The following RBFOX1 variants were observed in gnomAD, a reference collection of about 807,000 sequenced individuals.
RBFOX1 encodes RNA binding fox-1 homolog 1, also known as RNA binding protein fox-1 homolog 1.
RBFOX1 carries 8 observed loss-of-function variants against 57.7 expected under a neutral mutation model. The ratio of observed to expected loss-of-function variants is 0.14; its 90% CI spans 0.08 to 0.25. The LOEUF is 0.25. Among genes scored for constraint, RBFOX1 ranks in the 10% least tolerant of loss-of-function variants. RBFOX1 has a pLI of 1.00. For missense variants in RBFOX1, 611 were observed against 548.5 expected (o/e 1.11, Z -1.14); for synonymous variants, 326 against 222.4 (o/e 1.47, Z -4.15).
intron 4 of RBFOX1, among the ~76,000 whole-genome samples, chr16:7,379,964 C>T (rs911575070): frequency 1.3e-5 from 2 of 152,182 alleles, no homozygotes; most frequent in Non-Finnish European, 2.9e-5. Context: ...AAGCACAATC[C>T]TCCTGCCTCC....
At chr16:6,608,174 T>C (rs1285327054) in intron 2 of RBFOX1, among the ~76,000 whole-genome samples, 2 of 152,320 alleles carry the variant, frequency 1.3e-5, no homozygotes, top group African/African-American at 4.8e-5. Context: ...CCAGACCTAT[T>C]TTGAGTCTGT....
At chr16:7,049,482 T>C (rs1421543328) in intron 3 of RBFOX1, among the ~76,000 whole-genome samples, 1 of 151,932 alleles carries the variant, frequency 6.6e-6, no homozygotes, top group Non-Finnish European at 1.5e-5. Flanking sequence ...AAAAGAACAA[T>C]GGGGATTTTC....
At chr16:6,738,426 G>A (rs1202699064) in intron 3 of RBFOX1, among the ~76,000 whole-genome samples, 1 of 152,080 alleles carries the variant, frequency 6.6e-6, no homozygotes, top group African/African-American at 2.4e-5. Flanking sequence ...AGGAGCCCAG[G>A]AGAGTATTTA....
rs76159687 is a variant in RBFOX1, at chr16:5,458,348, G to C, written c.220-8868G>C. On this transcript the variant is annotated intron_variant, in intron 1 of 2. Coordinates refer to the RBFOX1 transcript ENST00000585867. Reference sequence around the variant, plus strand: ...AAGAAAAAAAACGGTGGGGAGGAAGGGGGTTGAGGGTCTGTGGATGGGTGG... The same window carrying C: ...AAGAAAAAAAACGGTGGGGAGGAAGCGGGTTGAGGGTCTGTGGATGGGTGG... 2.6e-4 allele frequency among the ~76,000 whole-genome samples: 40 copies of C among 152,248 alleles called. No individual in the cohort carries two copies. In the East Asian group the frequency reaches 7.7e-3, roughly 29 times the overall value.
At chr16:7,086,076 A>G (rs946772203) in intron 4 of RBFOX1, among the ~76,000 whole-genome samples, 3 of 152,258 alleles carry the variant, frequency 2.0e-5, no homozygotes, top group Admixed American at 6.5e-5. Context: ...GTTTTATGGC[A>G]TGGCTTGGTG....
At chr16:6,982,134 C>T (rs4273051) in intron 3 of RBFOX1, among the ~76,000 whole-genome samples, 81,596 of 151,810 alleles carry the variant, frequency 0.54, 23,303 homozygotes, top group Non-Finnish European at 0.63. Context: ...ATTAGTGATA[C>T]GAAGAGTTAT....
At chr16:6,450,765 GTGTA>G (rs371493577) in intron 2 of RBFOX1, among the ~76,000 whole-genome samples, 597 of 19,260 alleles carry the variant, frequency 0.031, 24 homozygotes, top group East Asian at 0.14. Context: ...ATATATATAT[GTGTA>G]TATATATATA....
intron 2 of RBFOX1, among the ~76,000 whole-genome samples, chr16:5,513,170 C>T (rs142375869): frequency 1.3e-5 from 2 of 152,266 alleles, no homozygotes; most frequent in Non-Finnish European, 2.9e-5. Context: ...ACTCAGCTTC[C>T]CAAAGTGCTG....
At chr16:5,991,998 A>C (rs1183603389) in intron 4 of RBFOX1, among the ~76,000 whole-genome samples, 1 of 152,196 alleles carries the variant, frequency 6.6e-6, no homozygotes, top group Non-Finnish European at 1.5e-5. Flanking sequence ...GGTAGTGAGA[A>C]AAAAATACAG....
At chr16:7,082,451 A>G (rs1028096920) in intron 4 of RBFOX1, among the ~76,000 whole-genome samples, 1 of 151,730 alleles carries the variant, frequency 6.6e-6, no homozygotes, top group Non-Finnish European at 1.5e-5. Flanking sequence ...ATGTGGTGGC[A>G]TGCACCTGTG....
chr16:6,795,904 T>G (rs1441335393), intron 3 of RBFOX1, among the ~76,000 whole-genome samples: 1 of 152,172 alleles, frequency 6.6e-6, no homozygotes, highest in Non-Finnish European at 1.5e-5. Context: ...GTTCTTATGT[T>G]TTTATTGTGT....
At chr16:7,150,311 T>TTGTA (rs2075864946) in intron 4 of RBFOX1, among the ~76,000 whole-genome samples, 1 of 152,236 alleles carries the variant, frequency 6.6e-6, no homozygotes, top group South Asian at 2.1e-4. Context: ...ATGGACCTCT[T>TTGTA]TGTATGTCTT....
intron 3 of RBFOX1, among the ~76,000 whole-genome samples, chr16:6,804,448 G>C (rs762104131): frequency 6.6e-6 from 1 of 152,130 alleles, no homozygotes; most frequent in Non-Finnish European, 1.5e-5. Context: ...CTGAAGATTT[G>C]ACTGGATGGT....
intron 4 of RBFOX1, among the ~76,000 whole-genome samples, chr16:7,164,995 T>C (rs1328216061): frequency 1.3e-5 from 2 of 152,204 alleles, no homozygotes; most frequent in African/African-American, 4.8e-5. Context: ...TTTGGAGCCC[T>C]ATAAAACAAG....
At chr16:5,722,353 T>A (rs890845138) in intron 3 of RBFOX1, among the ~76,000 whole-genome samples, 2 of 152,252 alleles carry the variant, frequency 1.3e-5, no homozygotes, top group African/African-American at 4.8e-5. Flanking sequence ...TTTGCTGGTA[T>A]AGACTTGGCA....
chr16:7,230,543 C>T, intron 4 of RBFOX1, among the ~76,000 whole-genome samples: 1 of 152,232 alleles, frequency 6.6e-6, no homozygotes, highest in Admixed American at 6.5e-5. Context: ...TTCAGCCTCC[C>T]CAGTCAATGA....
intron 4 of RBFOX1, among the ~76,000 whole-genome samples, chr16:5,998,253 C>A (rs2060524076): frequency 6.6e-6 from 1 of 152,240 alleles, no homozygotes. Flanking sequence ...TGGATCTCTC[C>A]CTTAGATCTC....
At chr16:7,562,781 C>T (rs140188410) in intron 5 of RBFOX1, among the ~76,000 whole-genome samples, 2 of 152,338 alleles carry the variant, frequency 1.3e-5, no homozygotes, top group East Asian at 1.9e-4. Flanking sequence ...TCCCACTGAT[C>T]CTACAAACTG....
chr16:6,573,206 G>A (rs1038325805), intron 2 of RBFOX1, among the ~76,000 whole-genome samples: 1 of 152,118 alleles, frequency 6.6e-6, no homozygotes, highest in African/African-American at 2.4e-5. Context: ...TGCCCTTTCA[G>A]TAGACAACGT....
Sources: gnomAD v4.1 joint callset for allele counts (sites outside exome capture counted in the v4.1 genomes callset) on GRCh38, gnomAD v4.1.1 for gene constraint, MANE v1.5 for transcripts, NCBI Gene and HGNC (gene_info 2026-07-23, HGNC 2026-07-21) for gene names.